Variants in LCOR observed in about 807,000 individuals in gnomAD.
LCOR encodes ligand dependent nuclear receptor corepressor, also known as ligand-dependent corepressor.
Under a neutral mutation model 64.4 loss-of-function variants are expected in LCOR, and 14 were observed. That is an observed-to-expected ratio of 0.22 (90% CI 0.14 to 0.34). LCOR has a LOEUF of 0.34. Among genes scored for constraint, LCOR ranks in the 10% least tolerant of loss-of-function variants. The pLI is 1.00. For missense variants in LCOR, 1,686 were observed against 1,765.3 expected, an observed-to-expected ratio of 0.96 and a Z score of 0.80; for synonymous variants, 643 against 642.5, an observed-to-expected ratio of 1.00 and a Z score of -0.01.
At chr10:96,840,785 A>G (rs1564598364) in intron 2 of LCOR, among the ~76,000 whole-genome samples, 1 of 152,246 alleles carries the variant, frequency 6.6e-6, no homozygotes, top group Non-Finnish European at 1.5e-5. Flanking sequence ...TGTATTAAAA[A>G]CTATTATAAC....
At chr10:96,857,754 A>G (rs1166256676) in intron 2 of LCOR, among the ~76,000 whole-genome samples, 1 of 152,170 alleles carries the variant, frequency 6.6e-6, no homozygotes, top group Admixed American at 6.6e-5. Context: ...ATTTTTAACA[A>G]GTGTCTCAAA....
At chr10:96,858,275 CT>C (rs1163893167) in intron 2 of LCOR, among the ~76,000 whole-genome samples, 2 of 152,116 alleles carry the variant, frequency 1.3e-5, no homozygotes, top group African/African-American at 4.8e-5. Flanking sequence ...AAATGTAATG[CT>C]TTCCTTTTTG....
intron 7 of LCOR, chr10:96,955,059 A>T: frequency 6.2e-7 from 1 of 1,614,174 alleles, no homozygotes; most frequent in Non-Finnish European, 8.5e-7. Flanking sequence ...TGGACACTCC[A>T]CATCACTCAA....
chr10:96,896,961 A>G (rs1391841663), intron 2 of LCOR, among the ~76,000 whole-genome samples: 4 of 152,132 alleles, frequency 2.6e-5, no homozygotes, highest in Non-Finnish European at 5.9e-5. Flanking sequence ...TGTTCTTTCA[A>G]CTATAGAAAT....
chr10:96,879,869 G>C (rs1319806622), intron 2 of LCOR, among the ~76,000 whole-genome samples: 1 of 152,112 alleles, frequency 6.6e-6, no homozygotes, highest in East Asian at 1.9e-4. Context: ...CGCCATATTG[G>C]CCAGGCTGGT....
chr10:96,871,659 A>G (rs899184478), intron 2 of LCOR, among the ~76,000 whole-genome samples: 2 of 151,826 alleles, frequency 1.3e-5, no homozygotes, highest in Non-Finnish European at 2.9e-5. Flanking sequence ...TCTTGAGCTC[A>G]AAGCAAATCG....
chr10:96,907,026 C>G (rs933728400), intron 2 of LCOR, among the ~76,000 whole-genome samples: 4 of 152,126 alleles, frequency 2.6e-5, no homozygotes, highest in African/African-American at 9.7e-5. Context: ...AATTTCCATT[C>G]CTTCATTGGT....
chr10:96,832,930 A>C (rs948299825), intron 1 of LCOR: 12 of 943,738 alleles, frequency 1.3e-5, no homozygotes, highest in Non-Finnish European at 1.4e-5. Flanking sequence ...GGCGGGCTGC[A>C]GGCGGGCGCC....
intron 2 of LCOR, among the ~76,000 whole-genome samples, chr10:96,844,114 CCCCTCCCTCCCTTCCT>C (rs1845587504): frequency 1.1e-5 from 1 of 88,528 alleles, no homozygotes; most frequent in African/African-American, 5.9e-5. Context: ...CCTTCCTTCC[CCCCTCCCTCCCTTCCT>C]TCCCTCCCTC....
At chr10:96,961,179 T>C (rs990587224) in intron 7 of LCOR, 1 of 152,132 alleles carries the variant, frequency 6.6e-6, no homozygotes, top group Non-Finnish European at 1.5e-5. Context: ...AAAAATCTTT[T>C]ACATTGTTTA....
intron 2 of LCOR, among the ~76,000 whole-genome samples, chr10:96,895,004 T>C (rs1163546124): frequency 1.3e-5 from 2 of 152,198 alleles, no homozygotes; most frequent in East Asian, 1.9e-4. Context: ...TCTTTAAACA[T>C]TGGAATGCTC....
At chr10:96,951,302 T>C (rs1448312275) in intron 6 of LCOR, among the ~76,000 whole-genome samples, 1 of 152,134 alleles carries the variant, frequency 6.6e-6, no homozygotes. Flanking sequence ...TTGGTCTAGT[T>C]GTAGTAAAAA....
chr10:96,949,107 G>T lies in LCOR; in HGVS notation c.50G>T (p.Ser17Ile), dbSNP rs771529352. 5 of 1,613,812 alleles carry T rather than the reference G, an allele frequency of 3.1e-6. No homozygotes were observed. In the African/African-American group the frequency reaches 6.7e-5, roughly 22 times the overall value. Residue 17 changes from serine (S) to isoleucine (I), a missense_variant, in exon 6 of 8, where the codon AGC becomes ATC. This residue lies in a region of LCOR where 80 missense variants were observed against 107.7 expected (regional missense o/e 0.74). Coordinates refer to ENST00000421806, the MANE Select transcript of LCOR (RefSeq NM_001346516.2). ...QFAAEYTSKNSSTQDPSQPNS... is the reference protein window; with the variant it reads ...QFAAEYTSKNISTQDPSQPNS... ...GCTGCTGAATATACCTCAAAAAATA[G>T]CTCTACTCAGGACCCCAGCCAGCCC...
chr10:96,852,140 A>G (rs1482621897), intron 2 of LCOR, among the ~76,000 whole-genome samples: 1 of 152,212 alleles, frequency 6.6e-6, no homozygotes, highest in Non-Finnish European at 1.5e-5. Flanking sequence ...GGTTAGGCCA[A>G]ACACATTGGG....
chr10:96,919,422 C>G (rs920968375), intron 4 of LCOR, among the ~76,000 whole-genome samples: 1 of 152,034 alleles, frequency 6.6e-6, no homozygotes, highest in African/African-American at 2.4e-5. Context: ...CTTCTCTTCC[C>G]CCCTTCCCCT....
intron 2 of LCOR, among the ~76,000 whole-genome samples, chr10:96,873,557 TACACACACACACAC>T: frequency 7.2e-6 from 1 of 138,198 alleles, no homozygotes; most frequent in African/African-American, 2.7e-5. Flanking sequence ...TGTTTTTCGA[TACACACACACACAC>T]GTGTGTGTGT....
chr10:96,972,102 TATAAA>T (rs538938668), intron 7 of LCOR, among the ~76,000 whole-genome samples: 18 of 152,172 alleles, frequency 1.2e-4, no homozygotes, highest in African/African-American at 3.4e-4. Flanking sequence ...GGATGATAAA[TATAAA>T]ATACCTTGCT....
intron 7 of LCOR, chr10:96,957,733 G>GC (rs1847808251): frequency 1.0e-6 from 1 of 985,284 alleles, no homozygotes; most frequent in African/African-American, 1.7e-5. Flanking sequence ...TCAGCAACCT[G>GC]TGTGTTCAAA....
Position 96,992,498 on chromosome 10 carries a change from T to C in LCOR, c.*7364T>C, listed in dbSNP as rs1848209512. On this transcript the variant is annotated 3_prime_UTR_variant, in exon 8 of 8. Transcript: ENST00000421806. ...TTTGGACAGATGCAACAGAAGCACG[T>C]CTCCCCCACTGTCACCCCATCCCAC... 6.6e-6 allele frequency: 1 copy of C among 152,256 alleles called. No individual in the cohort carries two copies. Among genetic ancestry groups the C allele is most frequent in the Admixed American group, 6.5e-5 (1 of 15,276 alleles). The allele number at this position is 152,256 out of a possible 1,614,324, so 9.4% of individuals were successfully genotyped here.
Sources: allele counts gnomAD v4.1 joint callset (sites outside exome capture counted in the v4.1 genomes callset), GRCh38; gene constraint gnomAD v4.1.1; regional missense constraint gnomAD v4.1.1; transcripts MANE v1.5; gene names NCBI Gene and HGNC (gene_info 2026-07-23, HGNC 2026-07-21).